LRRC37A2: variants seen among roughly 807,000 people sequenced by gnomAD.
The protein encoded by LRRC37A2 is leucine-rich repeat-containing protein 37A2.
LRRC37A2 carries 9 observed loss-of-function variants against 68.8 expected under a neutral mutation model. That is an observed-to-expected ratio of 0.13 (90% CI 0.08 to 0.23). LRRC37A2 has a LOEUF of 0.23. Ranked by LOEUF, LRRC37A2 falls within the 10% of genes least tolerant of loss-of-function variation. The pLI is 1.00. For synonymous variants in LRRC37A2, 63 were observed against 367.6 expected (o/e 0.17, Z 9.48); for missense variants, 168 against 950.4 (o/e 0.18, Z 10.82).
chr17:46,982,097 C>T, the LRRC37A2 span, among the ~76,000 whole-genome samples: 1 of 152,156 alleles, frequency 6.6e-6, no homozygotes, highest in African/African-American at 2.4e-5. Context: ...GGAAAGCTGG[C>T]CTGGCGCAAA....
At chr17:46,935,536 G>A in the LRRC37A2 span, 5 of 1,245,662 alleles carry the variant, frequency 4.0e-6, no homozygotes, top group East Asian at 7.6e-5. Context: ...TTGGTACCTC[G>A]CTTTAAGGTG....
the LRRC37A2 span, chr17:46,978,854 G>A: frequency 3.1e-6 from 5 of 1,589,102 alleles, no homozygotes. Flanking sequence ...AGCCCCGCGG[G>A]GACCCCGTCG....
At chr17:46,797,683 C>T in the LRRC37A2 span, among the ~76,000 whole-genome samples, 4 of 152,268 alleles carry the variant, frequency 2.6e-5, no homozygotes, top group Non-Finnish European at 5.9e-5. Context: ...CTGTGCACAG[C>T]GAGATGCACA....
the LRRC37A2 span, among the ~76,000 whole-genome samples, chr17:46,835,129 G>T: frequency 2.0e-5 from 3 of 152,090 alleles, no homozygotes; most frequent in African/African-American, 7.2e-5. Flanking sequence ...TGAGTAGCTG[G>T]CACTACAGGA....
At chr17:46,679,830 A>G in the LRRC37A2 span, among the ~76,000 whole-genome samples, 9 of 151,918 alleles carry the variant, frequency 5.9e-5, no homozygotes, top group Non-Finnish European at 1.0e-4. Context: ...AATACTTTAG[A>G]AGGCAAGAAA....
At chr17:46,965,849 T>G in the LRRC37A2 span, among the ~76,000 whole-genome samples, 1 of 151,662 alleles carries the variant, frequency 6.6e-6, no homozygotes. Context: ...CAGGTTGGTC[T>G]TGAACTCCTG....
chr17:46,610,115 CTCTCTCTCTCTT>C, the LRRC37A2 span, among the ~76,000 whole-genome samples: 11 of 121,216 alleles, frequency 9.1e-5, no homozygotes, highest in African/African-American at 2.8e-4. Context: ...CTCTCTCTCT[CTCTCTCTCTCTT>C]CCTTTCTTCC....
chr17:46,772,294 G>A, the LRRC37A2 span, among the ~76,000 whole-genome samples: 1 of 152,234 alleles, frequency 6.6e-6, no homozygotes, highest in Admixed American at 6.5e-5. Flanking sequence ...GGCCATCTAG[G>A]GACCGGGGCG....
chr17:47,006,194 C>T, the LRRC37A2 span, among the ~76,000 whole-genome samples: 1 of 152,018 alleles, frequency 6.6e-6, no homozygotes, highest in African/African-American at 2.4e-5. Context: ...TTTTTTCCCT[C>T]TGTTTTCTAC....
At chr17:46,768,318 C>T in the LRRC37A2 span, 3 of 1,613,500 alleles carry the variant, frequency 1.9e-6, no homozygotes, top group Admixed American at 5.0e-5. This position sits in a 1 kb window ranked among gnomAD's most constrained non-coding sequence, Gnocchi z 5.0. Flanking sequence ...CTACCTGGTG[C>T]CCTACTTGCA....
At chr17:47,004,881 A>T in the LRRC37A2 span, among the ~76,000 whole-genome samples, 1 of 152,210 alleles carries the variant, frequency 6.6e-6, no homozygotes, top group Non-Finnish European at 1.5e-5. Context: ...ACTGTAAGAC[A>T]ATCAGTCATA....
chr17:46,765,387 G>A, the LRRC37A2 span, among the ~76,000 whole-genome samples: 2 of 152,362 alleles, frequency 1.3e-5, no homozygotes, highest in South Asian at 2.1e-4. Context: ...TCTGGCACTT[G>A]TAAGGCACCA....
At chr17:46,756,440 T>G in the LRRC37A2 span, 1 of 152,378 alleles carries the variant, frequency 6.6e-6, no homozygotes, top group African/African-American at 2.4e-5. Context: ...AGATCTTTCT[T>G]AATAGAAAGT....
At chr17:46,994,951 G>A in the LRRC37A2 span, among the ~76,000 whole-genome samples, 2 of 152,122 alleles carry the variant, frequency 1.3e-5, no homozygotes, top group Non-Finnish European at 1.5e-5. Flanking sequence ...GTGAAACCTC[G>A]TCTCTACTAA....
chr17:46,609,718 A>G, the LRRC37A2 span, among the ~76,000 whole-genome samples: 1 of 148,014 alleles, frequency 6.8e-6, no homozygotes. Flanking sequence ...AGTATCAACA[A>G]TTTAGATAAG....
intron 6 of LRRC37A2, among the ~76,000 whole-genome samples, chr17:46,534,895 G>C (rs1325186822): frequency 6.7e-6 from 1 of 149,702 alleles, no homozygotes; most frequent in Non-Finnish European, 1.5e-5. Flanking sequence ...AGACGGGGCG[G>C]CTGCTGGGCG....
At chr17:46,962,019 G>A in the LRRC37A2 span, among the ~76,000 whole-genome samples, 1 of 152,130 alleles carries the variant, frequency 6.6e-6, no homozygotes, top group Non-Finnish European at 1.5e-5. Flanking sequence ...AGGGAGTGGG[G>A]CATAGTTGGA....
chr17:46,870,275 G>A, the LRRC37A2 span, among the ~76,000 whole-genome samples: 1 of 152,174 alleles, frequency 6.6e-6, no homozygotes, highest in East Asian at 1.9e-4. Flanking sequence ...TTGAGGGCAA[G>A]GTAGCTGCAG....
chr17:46,685,289 A>G, the LRRC37A2 span, among the ~76,000 whole-genome samples: 1 of 148,766 alleles, frequency 6.7e-6, no homozygotes, highest in East Asian at 2.1e-4. Context: ...CTGATGATAA[A>G]ATTGAGTTAG....
Sources: gnomAD v4.1 joint callset for allele counts (sites outside exome capture counted in the v4.1 genomes callset) on GRCh38, gnomAD v4.1.1 for gene constraint, Gnocchi (gnomAD v3.1) non-coding constraint, MANE v1.5 for transcripts, NCBI Gene and HGNC (gene_info 2026-07-23, HGNC 2026-07-21) for gene names.